Variants in PRTG observed in about 807,000 individuals in gnomAD.
PRTG encodes immunoglobulin superfamily, DCC subclass, member 5.
A neutral mutation model predicts 122.5 loss-of-function variants in PRTG; 67 were observed. The observed-to-expected ratio is 0.55, with a 90% CI of 0.45 to 0.67. PRTG has a LOEUF of 0.67. Ranked by LOEUF, PRTG falls within the 30% of genes least tolerant of loss-of-function variation. The pLI, the probability that PRTG is intolerant of heterozygous loss-of-function variation, is 0.00. For missense variants in PRTG, 1,435 were observed against 1,415.4 expected, an observed-to-expected ratio of 1.01 and a Z score of -0.22; for synonymous variants, 554 against 501.1, an observed-to-expected ratio of 1.11 and a Z score of -1.41.
At chr15:55,673,143 G>A (rs2059482349) in intron 10 of PRTG, among the ~76,000 whole-genome samples, 1 of 152,048 alleles carries the variant, frequency 6.6e-6, no homozygotes, top group Non-Finnish European at 1.5e-5. Context: ...TGTCCATGAG[G>A]CATTTGCTAA....
chr15:55,676,826 C>T (rs1193697109), intron 8 of PRTG, among the ~76,000 whole-genome samples: 2 of 152,182 alleles, frequency 1.3e-5, no homozygotes, highest in African/African-American at 4.8e-5. Flanking sequence ...TAACATACTC[C>T]AGCATGCTCA....
At chr15:55,738,005 TATA>T (rs2031475419) in intron 2 of PRTG, among the ~76,000 whole-genome samples, 4 of 67,964 alleles carry the variant, frequency 5.9e-5, no homozygotes, top group Non-Finnish European at 9.2e-5. Flanking sequence ...TCTCTCTCTA[TATA>T]TATATATATA....
At chr15:55,639,021 G>C (rs1289984470) in intron 13 of PRTG, among the ~76,000 whole-genome samples, 1 of 152,128 alleles carries the variant, frequency 6.6e-6, no homozygotes, top group African/African-American at 2.4e-5. Flanking sequence ...ATTCAGGCTA[G>C]AGTGCAGTAG....
At chr15:55,649,000 C>G (rs2414423) in intron 11 of PRTG, among the ~76,000 whole-genome samples, 148,086 of 151,824 alleles carry the variant, frequency 0.98, 72,339 homozygotes, top group East Asian at 1. Context: ...GGGAGGCCAA[C>G]GCAGAAGAAT....
chr15:55,649,124 C>G (rs542488009), intron 11 of PRTG, among the ~76,000 whole-genome samples: 1 of 151,504 alleles, frequency 6.6e-6, no homozygotes, highest in Non-Finnish European at 1.5e-5. Flanking sequence ...ACAAAAAAAA[C>G]CCCTCTGTAT....
chr15:55,677,686 G>T, intron 8 of PRTG, 111 bp downstream of exon 8: 2 of 940,796 alleles, frequency 2.1e-6, no homozygotes, highest in Non-Finnish European at 3.2e-6. Context: ...GAAGATAAAT[G>T]CCACCAAATT....
At chr15:55,712,245 G>C (rs2030416425) in intron 2 of PRTG, among the ~76,000 whole-genome samples, 1 of 152,182 alleles carries the variant, frequency 6.6e-6, no homozygotes, top group Non-Finnish European at 1.5e-5. Flanking sequence ...TGAATCAATT[G>C]CCAGCACTTT....
At chr15:55,626,386 G>C (rs111640775) in intron 17 of PRTG, among the ~76,000 whole-genome samples, 8 of 151,264 alleles carry the variant, frequency 5.3e-5, no homozygotes, top group Non-Finnish European at 1.2e-4. Flanking sequence ...TCCAGCCTGG[G>C]CGACAGAATG....
chr15:55,705,104 T>C (rs1379841138), intron 2 of PRTG, among the ~76,000 whole-genome samples: 1 of 152,202 alleles, frequency 6.6e-6, no homozygotes, highest in Non-Finnish European at 1.5e-5. Flanking sequence ...ATATGTTCCA[T>C]TTGCTCAGGG....
In PRTG at chr15:55,677,977, G is replaced by T. The variant is rs778091243; in HGVS notation, c.1201C>A (p.Gln401Lys). Reference sequence around the variant, plus strand: ...CTGGCTCTAGATAAAATAGATCCTTGGCTATTCTCAGCCATGCACTGATAA... The same window carrying T: ...CTGGCTCTAGATAAAATAGATCCTTTGCTATTCTCAGCCATGCACTGATAA... ...AIYQCMAENS[Q>K]GSILSRARLT... is the part of the protein sequence containing the mutation. Residue 401 changes from glutamine to lysine, a missense_variant, in exon 8 of 20, where the codon CAA becomes AAA. Gln to Lys is a moderately conservative substitution (Grantham distance 53, BLOSUM62 1). Coordinates refer to ENST00000389286, the MANE Select transcript of PRTG (RefSeq NM_173814.6). 18 of 1,610,756 alleles carry T rather than the reference G, an allele frequency of 1.1e-5. No homozygotes were observed. Among genetic ancestry groups the T allele is most frequent in the Middle Eastern group, 1.7e-4 (1 of 6,054 alleles).
intron 2 of PRTG, among the ~76,000 whole-genome samples, chr15:55,710,819 G>C (rs558026126): frequency 7.2e-5 from 11 of 152,264 alleles, no homozygotes; most frequent in African/African-American, 2.6e-4. Flanking sequence ...CATGGTGAGA[G>C]ATAAAAGGAA....
intron 2 of PRTG, among the ~76,000 whole-genome samples, chr15:55,693,313 G>A (rs557489911): frequency 8.5e-5 from 13 of 152,246 alleles, no homozygotes; most frequent in South Asian, 4.1e-4. Context: ...GAAATCAGCC[G>A]GGCGTGGCGG....
chr15:55,624,442 A>G lies in PRTG; in HGVS notation c.2993T>C (p.Leu998Ser), dbSNP rs780179988. 3.1e-6 allele frequency: 5 copies of G among 1,613,828 alleles called. No homozygotes were observed. The highest frequency in any genetic ancestry group is 1.3e-5 in the African/African-American group (1 of 74,932). The change falls in exon 18 of 20, where the codon TTA (leucine) becomes TCA (serine). Residue 998 changes from leucine to serine, a missense_variant. By Grantham distance (145) the Leu-to-Ser change is moderately radical. Coordinates refer to ENST00000389286, the MANE Select transcript of PRTG (RefSeq NM_173814.6). ...CTTTCCTACCTCATTTCCACTAGCT[A>G]AGGAGGCACTGGTACGAGGTAACTG... The part of the protein sequence containing the change: ...TQQLPRTSAS[L>S]ASGNEVGKNL...
intron 2 of PRTG, among the ~76,000 whole-genome samples, chr15:55,692,469 T>G (rs1397375886): frequency 3.3e-5 from 5 of 151,842 alleles, no homozygotes; most frequent in Admixed American, 6.6e-5. Flanking sequence ...CCCGTAAAGG[T>G]TGGGGGATAC....
chr15:55,722,446 C>G (rs1196810189), intron 2 of PRTG, among the ~76,000 whole-genome samples: 1 of 152,154 alleles, frequency 6.6e-6, no homozygotes, highest in Non-Finnish European at 1.5e-5. Context: ...ACACAGAATT[C>G]TCAATCAGCC....
chr15:55,628,082 C>G (rs1417855865), intron 16 of PRTG, among the ~76,000 whole-genome samples: 1 of 152,182 alleles, frequency 6.6e-6, no homozygotes, highest in Admixed American at 6.5e-5. Flanking sequence ...ACTGACTGCC[C>G]TGTCCTGCTC....
rs947237228 is a variant in PRTG at position 55,617,951 on chromosome 15, G to A, written c.*2061C>T. On this transcript the variant is annotated 3_prime_UTR_variant, in exon 20 of 20. Coordinates refer to ENST00000389286, the MANE Select transcript of PRTG (RefSeq NM_173814.6). ...CCTGTCAATCTGCCTATGCTTCCAT[G>A]AGGCAGCTCAAAAGTAACAAAACGT... 31 of 152,088 alleles carry A rather than the reference G, an allele frequency of 2.0e-4. No individual in the cohort carries two copies. Among genetic ancestry groups the A allele is most frequent in the African/African-American group, 6.3e-4 (26 of 41,418 alleles). 9.4% of individuals were successfully genotyped at this position (152,088 alleles called of 1,614,324 possible).
intron 2 of PRTG, among the ~76,000 whole-genome samples, chr15:55,697,298 A>G (rs1267553670): frequency 6.6e-6 from 1 of 152,164 alleles, no homozygotes; most frequent in Admixed American, 6.5e-5. Context: ...TTCAGAGAAC[A>G]TGTCTTACTT....
chr15:55,692,835 CTTTT>C (rs774248341), intron 2 of PRTG, among the ~76,000 whole-genome samples: 8 of 74,952 alleles, frequency 1.1e-4, no homozygotes, highest in Non-Finnish European at 1.4e-4. Context: ...AATGCAATCT[CTTTT>C]TTTTTTTTTT....
Sources: allele counts gnomAD v4.1 joint callset (sites outside exome capture counted in the v4.1 genomes callset), GRCh38; gene constraint gnomAD v4.1.1; transcripts MANE v1.5; gene names NCBI Gene and HGNC (gene_info 2026-07-23, HGNC 2026-07-21).